The following HYCC1 variants were observed in gnomAD, a reference collection of about 807,000 sequenced individuals.
HYCC1 encodes hyccin PI4KA lipid kinase complex subunit 1.
the HYCC1 span, chr7:22,945,629 T>C: frequency 2.5e-6 from 4 of 1,613,584 alleles, no homozygotes; most frequent in Admixed American, 5.0e-5. Flanking sequence ...AGGAGGTCTC[T>C]GCTGACCTGA....
chr7:23,003,054 AC>A, the HYCC1 span, among the ~76,000 whole-genome samples: 2 of 152,004 alleles, frequency 1.3e-5, no homozygotes, highest in Admixed American at 6.6e-5. Flanking sequence ...TTTTAACTTA[AC>A]TGCCTCTCTA....
chr7:22,928,765 G>A, the HYCC1 span, among the ~76,000 whole-genome samples: 2 of 152,162 alleles, frequency 1.3e-5, no homozygotes, highest in Admixed American at 6.5e-5. Context: ...TACTGCCCAA[G>A]GTAATTTATA....
At chr7:22,945,820 G>A in the HYCC1 span, 35 of 1,613,648 alleles carry the variant, frequency 2.2e-5, no homozygotes, top group Non-Finnish European at 2.5e-5. Flanking sequence ...CAGTCGCTGC[G>A]GTCTTAGCCA....
chr7:22,922,405 T>C, the HYCC1 span, among the ~76,000 whole-genome samples: 1 of 152,206 alleles, frequency 6.6e-6, no homozygotes, highest in South Asian at 2.1e-4. Flanking sequence ...CAGCCTACTA[T>C]ATCATAGCTT....
At chr7:22,991,167 C>G in the HYCC1 span, 17 of 1,397,468 alleles carry the variant, frequency 1.2e-5, no homozygotes, top group South Asian at 1.6e-4. Context: ...AAAATGTTAA[C>G]GTTTTGAATA....
the HYCC1 span, chr7:22,944,953 A>T: frequency 6.6e-6 from 1 of 152,670 alleles, no homozygotes; most frequent in African/African-American, 2.4e-5. Context: ...ATAATATTCT[A>T]GGCACTGGGT....
the HYCC1 span, among the ~76,000 whole-genome samples, chr7:22,951,685 A>G: frequency 6.6e-6 from 1 of 151,916 alleles, no homozygotes; most frequent in Non-Finnish European, 1.5e-5. Flanking sequence ...TATTTATAAT[A>G]GCAAAACTCA....
the HYCC1 span, chr7:22,978,292 G>A: frequency 6.2e-7 from 1 of 1,614,018 alleles, no homozygotes; most frequent in Non-Finnish European, 8.5e-7. Context: ...CCTAGAAGAA[G>A]AGCTTCAATG....
At chr7:22,930,393 G>GAAAAAA in the HYCC1 span, among the ~76,000 whole-genome samples, 4 of 101,090 alleles carry the variant, frequency 4.0e-5, no homozygotes, top group Non-Finnish European at 6.6e-5. Context: ...AAAAGAAAAA[G>GAAAAAA]AAAAAAAAAA....
chr7:22,905,386 A>ATTTTTTTTTTTTTTTTTT, the HYCC1 span, among the ~76,000 whole-genome samples: 4 of 44,470 alleles, frequency 9.0e-5, no homozygotes, highest in Admixed American at 5.5e-4. Flanking sequence ...CTAATTTTGT[A>ATTTTTTTTTTTTTTTTTT]TTTTTTTTTT....
the HYCC1 span, among the ~76,000 whole-genome samples, chr7:22,975,649 TTAAA>T: frequency 1.6e-4 from 24 of 152,216 alleles, no homozygotes; most frequent in Admixed American, 3.9e-4. Context: ...CCTTTTCTGA[TTAAA>T]TAGTCAATTT....
At chr7:23,013,989 G>A in the HYCC1 span, 1 of 471,108 alleles carries the variant, frequency 2.1e-6, no homozygotes, top group South Asian at 1.5e-5. Flanking sequence ...GACAGCGACG[G>A]AGGCTGCTCT....
At chr7:23,006,866 C>T in the HYCC1 span, among the ~76,000 whole-genome samples, 1 of 152,124 alleles carries the variant, frequency 6.6e-6, no homozygotes. Context: ...AGGCTCACAA[C>T]AAAAATAATT....
the HYCC1 span, among the ~76,000 whole-genome samples, chr7:22,916,462 C>T: frequency 6.6e-6 from 1 of 152,154 alleles, no homozygotes; most frequent in Non-Finnish European, 1.5e-5. Flanking sequence ...TCATCCCAAC[C>T]TTTTTCATTA....
chr7:23,007,709 C>G, the HYCC1 span, among the ~76,000 whole-genome samples: 1 of 152,054 alleles, frequency 6.6e-6, no homozygotes, highest in Non-Finnish European at 1.5e-5. Context: ...TATAGCAAAT[C>G]AAATATAGCA....
the HYCC1 span, among the ~76,000 whole-genome samples, chr7:22,965,994 A>G: frequency 6.6e-6 from 1 of 152,210 alleles, no homozygotes. Context: ...GAAGCAACCT[A>G]AAAGTCCAAC....
chr7:22,995,425 T>A, the HYCC1 span, among the ~76,000 whole-genome samples: 1 of 152,118 alleles, frequency 6.6e-6, no homozygotes. Context: ...CAATATTTTC[T>A]TCCTATCTGC....
the HYCC1 span, chr7:22,934,234 T>TTTTTTTTC: frequency 8.2e-6 from 1 of 122,436 alleles, no homozygotes; most frequent in African/African-American, 3.4e-5. Context: ...TTTTTTTTTT[T>TTTTTTTTC]CCCTCTCTGA....
At chr7:22,966,274 G>A in the HYCC1 span, among the ~76,000 whole-genome samples, 2 of 152,032 alleles carry the variant, frequency 1.3e-5, no homozygotes, top group African/African-American at 2.4e-5. Flanking sequence ...AACATGCACT[G>A]TTTTATTGTT....
Sources: allele counts gnomAD v4.1 joint callset (sites outside exome capture counted in the v4.1 genomes callset), GRCh38; gene constraint gnomAD v4.1.1; transcripts MANE v1.5; gene names NCBI Gene and HGNC (gene_info 2026-07-23, HGNC 2026-07-21).